FANCM: variants seen among roughly 807,000 people sequenced by gnomAD.
The protein encoded by FANCM is FA complementation group M, also known as Fanconi anemia group M protein.
FANCM carries 140 observed loss-of-function variants against 199.5 expected under a neutral mutation model. The observed-to-expected ratio is 0.70, with a 90% CI of 0.61 to 0.81. The LOEUF is 0.81. Among genes scored for constraint, FANCM ranks in the 30% least tolerant of loss-of-function variants. The pLI, the probability that FANCM is intolerant of heterozygous loss-of-function variation, is 0.00. For missense variants in FANCM, 2,410 were observed against 2,421.4 expected (o/e 1.00, Z 0.10); for synonymous variants, 840 against 836.8 (o/e 1.00, Z -0.07).
At position 45,175,470 on chromosome 14, in the gene FANCM, A is replaced by T. The variant is rs773837264; in HGVS notation, c.2716A>T (p.Ile906Phe). 7.8e-5 allele frequency: 126 copies of T among 1,608,838 alleles called. No individual in the cohort carries two copies. The highest frequency in any genetic ancestry group is 9.9e-5 in the Non-Finnish European group (116 of 1,177,616). The change falls in exon 14 of 23, where the codon ATT (isoleucine) becomes TTT (phenylalanine). Residue 906 changes from isoleucine to phenylalanine, a missense_variant. Transcript: ENST00000267430. ...NDKRTSDTDE[I>F]AATCTINENV... is the part of the protein sequence containing the mutation. ...TAAAAGGACATCAGATACAGATGAA[A>T]TTGCTGCCACATGTACTATTAATGA...
At chr14:45,198,564 T>TCTAC in intron 21 of FANCM, 80 bp from the exon 22 acceptor site, 1 of 883,904 alleles carries the variant, frequency 1.1e-6, no homozygotes, top group African/African-American at 1.9e-5. Flanking sequence ...ATCTTGGGAT[T>TCTAC]TTAATAAAAT....
chr14:45,173,818 A>G (rs1047680044), intron 13 of FANCM, among the ~76,000 whole-genome samples: 1 of 152,234 alleles, frequency 6.6e-6, no homozygotes, highest in African/African-American at 2.4e-5. Context: ...AGTAGCTGGC[A>G]TATGATAAGT....
chr14:45,194,257 G>C (rs897484523), intron 20 of FANCM, among the ~76,000 whole-genome samples: 11 of 149,750 alleles, frequency 7.3e-5, no homozygotes, highest in Admixed American at 2.0e-4. Context: ...AGCTGAGACT[G>C]CACCATTGCA....
At position 45,167,122 on chromosome 14, in the gene FANCM, G is replaced by A. The variant is rs920568505; in HGVS notation, c.1961G>A (p.Arg654Gln). ...HGVYEPEKPS[R>Q]NLQRKSSIFS... is the part of the protein sequence containing the mutation. ...GTCTATGAACCAGAGAAGCCTTCTC[G>A]GAACTTGCAGCGAAAGTCATCTATC... Residue 654 changes from arginine to glutamine, a missense_variant, in exon 11 of 23, where the codon CGG becomes CAG. By Grantham distance (43) the Arg-to-Gln change is conservative. Coordinates refer to ENST00000267430, the MANE Select transcript of FANCM (RefSeq NM_020937.4). 6 of 1,613,622 alleles carry A rather than the reference G, an allele frequency of 3.7e-6. No homozygotes were observed. Among genetic ancestry groups the A allele is most frequent in the Admixed American group, 3.3e-5 (2 of 60,014 alleles).
rs546434908 is a variant in FANCM at position 45,200,492 on chromosome 14, G to A, written c.*484G>A. 1 of 153,406 alleles carries A rather than the reference G, an allele frequency of 6.5e-6. No individual in the cohort carries two copies. Among genetic ancestry groups the A allele is most frequent in the South Asian group, 2.1e-4 (1 of 4,858 alleles). The allele number at this position is 153,406 out of a possible 1,614,324, so 9.5% of individuals were successfully genotyped here. On this transcript the variant is annotated 3_prime_UTR_variant, in exon 23 of 23. Coordinates refer to ENST00000267430, the MANE Select transcript of FANCM (RefSeq NM_020937.4). Reference sequence around the variant, plus strand: ...TGTGAGATAAATGACCCAGTAACTAGGAAAGTAGAAAACTTAACTGAATGT... The same window carrying A: ...TGTGAGATAAATGACCCAGTAACTAAGAAAGTAGAAAACTTAACTGAATGT...
rs1373913163 is a variant in FANCM, at chr14:45,183,816, C to T, written c.4429C>T (p.Pro1477Ser). The T allele has an allele frequency of 6.2e-7, 1 of 1,609,324 alleles. No homozygotes were observed. Among genetic ancestry groups the T allele is most frequent in the South Asian group, 1.1e-5 (1 of 90,932 alleles). ...TGATGAGAGTGAGAATTTTCCCAAA[C>T]CATGTTCACAATTAGAAGACTTCAA... Reference protein sequence around the residue: ...SSDESENFPKPCSQLEDFKVC... With the variant: ...SSDESENFPKSCSQLEDFKVC... The change falls in exon 17 of 23, where the codon CCA becomes TCA. Residue 1477 changes from proline (P) to serine (S), a missense_variant. By Grantham distance (74) the Pro-to-Ser change is moderately conservative (BLOSUM62 -1). Transcript: ENST00000267430.
intron 16 of FANCM, among the ~76,000 whole-genome samples, chr14:45,182,549 A>T (rs914887934): frequency 1.3e-5 from 2 of 152,200 alleles, no homozygotes; most frequent in Non-Finnish European, 2.9e-5. Context: ...GTGGGATAGT[A>T]AAGTCACAGC....
intron 12 of FANCM, 30 bp from the exon 13 acceptor site, chr14:45,173,025 A>G (rs758485708): frequency 1.3e-6 from 2 of 1,517,732 alleles, no homozygotes; most frequent in South Asian, 2.2e-5. Flanking sequence ...GTATGTTTTC[A>G]TCATTTTTAT....
intron 8 of FANCM, among the ~76,000 whole-genome samples, chr14:45,156,041 AAG>A (rs1235708082): frequency 1.3e-5 from 2 of 152,146 alleles, no homozygotes; most frequent in Non-Finnish European, 2.9e-5. Context: ...GTACCAGTAA[AAG>A]AGTAAAGTAG....
chr14:45,136,322 C>G lies in FANCM; in HGVS notation c.291C>G (p.His97Gln), dbSNP rs369609574. The part of the protein sequence containing the change: ...TNCPVRDYQL[H>Q]ISRAALFCNT... ...GCCCAGTGCGGGACTACCAGCTGCA[C>G]ATTTCCCGGGCTGCTCTGTTTTGCA... The change falls in exon 1 of 23, where the codon CAC (histidine) becomes CAG (glutamine). Residue 97 changes from histidine to glutamine, a missense_variant. Transcript: ENST00000267430. 2.7e-5 allele frequency: 44 copies of G among 1,614,066 alleles called. 1 individual carries two copies. In the African/African-American group the frequency reaches 5.7e-4, roughly 21 times the overall value.
chr14:45,191,785 A>C (rs961163117), intron 20 of FANCM, among the ~76,000 whole-genome samples: 2 of 152,234 alleles, frequency 1.3e-5, no homozygotes, highest in African/African-American at 2.4e-5. Flanking sequence ...AAATCTTCAC[A>C]GATTAAAAAT....
chr14:45,149,107 A>C (rs189630785), intron 4 of FANCM, 112 bp downstream of exon 4: 1 of 949,704 alleles, frequency 1.1e-6, no homozygotes, highest in African/African-American at 1.7e-5. Context: ...TATATAATTG[A>C]TATGTTGAAA....
chr14:45,144,529 A>T (rs1422453648), intron 3 of FANCM, among the ~76,000 whole-genome samples: 1 of 152,144 alleles, frequency 6.6e-6, no homozygotes, highest in Non-Finnish European at 1.5e-5. Flanking sequence ...GCTCTATACT[A>T]CTGCAGCTAA....
rs567488330 is a variant in FANCM at position 45,194,297 on chromosome 14, C to T, written c.5341-1875C>T. Among the ~76,000 whole-genome samples the T allele has an allele frequency of 5.4e-5, 8 of 147,910 alleles. No individual in the cohort carries two copies. The South Asian group carries it at 1.1e-3, about 20-fold the overall frequency. Reference sequence around the variant, plus strand: ...AGCCTGGGTGACAAGAGTGAAACTCCGTCTCAAAAAAAAAAAAACAAAAAA... The same window carrying T: ...AGCCTGGGTGACAAGAGTGAAACTCTGTCTCAAAAAAAAAAAAACAAAAAA... On this transcript the variant is annotated intron_variant, in intron 20 of 22. Coordinates refer to ENST00000267430, the MANE Select transcript of FANCM (RefSeq NM_020937.4).
chr14:45,189,870 A>G (rs1889656374), intron 20 of FANCM, among the ~76,000 whole-genome samples: 1 of 151,400 alleles, frequency 6.6e-6, no homozygotes, highest in African/African-American at 2.4e-5. Flanking sequence ...TGGGAGGTTG[A>G]GGTAGGAGAA....
In FANCM at chr14:45,176,063, C is replaced by T. The variant is rs1355421578; in HGVS notation, c.3309C>T (p.His1103=). Residue 1103 remains histidine (H), a synonymous_variant, in exon 14 of 23, where the codon CAC becomes CAT. Transcript: ENST00000267430. ...TACCTAACAATCGTGTTCAAATACA[C>T]AGAAGCCCTGCACAGAATTTAGTTG... is the stretch of plus-strand genomic sequence containing the variant. ...NLVPNNRVQI[H]RSPAQNLVGE... is the part of the protein sequence containing the mutation. The T allele has an allele frequency of 1.9e-6, 3 of 1,613,880 alleles. No homozygotes were observed. Among genetic ancestry groups the T allele is most frequent in the Non-Finnish European group, 2.5e-6 (3 of 1,179,952 alleles).
At position 45,151,314 on chromosome 14, in the gene FANCM, C is replaced by A. The variant is rs1359109712; in HGVS notation, c.919-83C>A. Reference sequence around the variant, plus strand: ...GACAAACTTTATTAAATATATAATTCCTATTTTAATATGTGAGAAAATGAT... The same window carrying A: ...GACAAACTTTATTAAATATATAATTACTATTTTAATATGTGAGAAAATGAT... On this transcript the variant is annotated intron_variant, in intron 4 of 22. Transcript: ENST00000267430. 2.8e-6 allele frequency: 3 copies of A among 1,088,612 alleles called. No individual in the cohort carries two copies. In the African/African-American group the frequency reaches 4.7e-5, roughly 17 times the overall value. The allele number at this position is 1,088,612 out of a possible 1,614,324, so 67.4% of individuals were successfully genotyped here. A position where few individuals can be genotyped will look rare whatever the true frequency, so the allele number is the denominator to read the frequency against.
Position 45,200,068 on chromosome 14 carries a change from A to G in FANCM, c.*60A>G. The stretch of plus-strand genomic sequence containing the variant: ...TCACAATATTAAATGCACTTCAATA[A>G]TCATTGCTGTTTTATGTTTATTTGT... On this transcript the variant is annotated 3_prime_UTR_variant, in exon 23 of 23. Transcript: ENST00000267430. 9.0e-7 allele frequency: 1 copy of G among 1,108,894 alleles called. No homozygotes were observed. 68.7% of individuals were successfully genotyped at this position (1,108,894 alleles called of 1,614,324 possible). A position where few individuals can be genotyped will look rare whatever the true frequency, so the allele number is the denominator to read the frequency against.
At chr14:45,169,958 C>T (rs888239860) in intron 11 of FANCM, among the ~76,000 whole-genome samples, 18 of 152,094 alleles carry the variant, frequency 1.2e-4, no homozygotes, top group Admixed American at 7.2e-4. Flanking sequence ...AAAGTCTTGG[C>T]CTTTCCTGCC....
Sources: allele counts gnomAD v4.1 joint callset (sites outside exome capture counted in the v4.1 genomes callset), GRCh38; gene constraint gnomAD v4.1.1; transcripts MANE v1.5; gene names NCBI Gene and HGNC (gene_info 2026-07-23, HGNC 2026-07-21).